The following CCDC88A variants were observed in gnomAD, a reference collection of about 807,000 sequenced individuals.
CCDC88A encodes the protein girdin.
Under a neutral mutation model 234.3 loss-of-function variants are expected in CCDC88A, and 54 were observed. The observed-to-expected ratio is 0.23, with a 90% CI of 0.19 to 0.29. CCDC88A has a LOEUF of 0.29. Ranked by LOEUF, CCDC88A falls within the 10% of genes least tolerant of loss-of-function variation. The probability of loss-of-function intolerance (pLI) is 1.00; values close to 1 mark genes in which losing one functional copy is unlikely to be tolerated. For synonymous variants in CCDC88A, 753 were observed against 737.8 expected, an observed-to-expected ratio of 1.02 and a Z score of -0.33; for missense variants, 1,832 against 2,123.4, an observed-to-expected ratio of 0.86 and a Z score of 2.70.
chr2:55,307,601 C>T (rs1360718659), intron 25 of CCDC88A, among the ~76,000 whole-genome samples: 5 of 152,040 alleles, frequency 3.3e-5, no homozygotes, highest in East Asian at 1.9e-4. Context: ...GTGATCCGCC[C>T]GCCTCGCCAT....
chr2:55,344,720 A>C (rs567877904), intron 10 of CCDC88A, among the ~76,000 whole-genome samples: 10 of 152,188 alleles, frequency 6.6e-5, no homozygotes, highest in South Asian at 2.1e-4. Flanking sequence ...AAGATATATA[A>C]TACTACTATA....
intron 9 of CCDC88A, among the ~76,000 whole-genome samples, chr2:55,347,030 T>C (rs1033768250): frequency 6.6e-6 from 1 of 152,112 alleles, no homozygotes; most frequent in Non-Finnish European, 1.5e-5. Context: ...GGTGAAAAAG[T>C]TAATTTTAAA....
In CCDC88A at chr2:55,379,612, G is replaced by C. The variant is rs1054323939; in HGVS notation, c.274-4729C>G. Among the ~76,000 whole-genome samples, 3 of 152,170 alleles carry C rather than the reference G, an allele frequency of 2.0e-5. No individual in the cohort carries two copies. In the East Asian group the frequency reaches 5.8e-4, roughly 29 times the overall value. The stretch of plus-strand genomic sequence containing the variant: ...ACAATAAAACAAGTAAGTGTTTTTG[G>C]TGATAAATGCTAAGGATAAAAATAA... On this transcript the variant is annotated intron_variant, in intron 3 of 32. Coordinates refer to ENST00000436346, the MANE Select transcript of CCDC88A (RefSeq NM_001365480.1).
chr2:55,381,777 T>TG (rs1363779386), intron 3 of CCDC88A, among the ~76,000 whole-genome samples: 4 of 152,116 alleles, frequency 2.6e-5, no homozygotes, highest in Non-Finnish European at 5.9e-5. Context: ...TTAACACTTC[T>TG]GGCAAAGGTC....
At chr2:55,344,345 C>G in intron 11 of CCDC88A, 23 bp downstream of exon 11, 1 of 1,516,886 alleles carries the variant, frequency 6.6e-7, no homozygotes. Flanking sequence ...GGCCATGTAA[C>G]TGATCTACCT....
intron 25 of CCDC88A, among the ~76,000 whole-genome samples, chr2:55,303,456 G>C (rs1000706587): frequency 6.7e-6 from 1 of 148,490 alleles, no homozygotes; most frequent in Non-Finnish European, 1.5e-5. Flanking sequence ...GCAATGGCAC[G>C]ATCTCGGCTC....
intron 29 of CCDC88A, among the ~76,000 whole-genome samples, chr2:55,297,399 A>AATATATATTAT (rs1680315100): frequency 4.5e-5 from 1 of 22,018 alleles, no homozygotes; most frequent in Non-Finnish European, 1.5e-4. Context: ...ATTATATATA[A>AATATATATTAT]ATATACATAT....
At chr2:55,376,810 CT>C (rs1387909504) in intron 3 of CCDC88A, among the ~76,000 whole-genome samples, 3 of 152,130 alleles carry the variant, frequency 2.0e-5, no homozygotes, top group African/African-American at 4.8e-5. Flanking sequence ...GCTAAATGGG[CT>C]TAAAAGAATA....
At chr2:55,401,469 T>C (rs111438752) in intron 2 of CCDC88A, among the ~76,000 whole-genome samples, 1 of 16,234 alleles carries the variant, frequency 6.2e-5, no homozygotes, top group African/African-American at 5.6e-4. Flanking sequence ...TATATATACA[T>C]ATGTGTGTGT....
At chr2:55,353,565 T>C (rs1670161474) in intron 8 of CCDC88A, among the ~76,000 whole-genome samples, 1 of 144,594 alleles carries the variant, frequency 6.9e-6, no homozygotes, top group African/African-American at 2.6e-5. Context: ...CTACTTTAAA[T>C]AATCAGTAAA....
rs756536282 is a variant in CCDC88A at position 55,334,864 on chromosome 2, T to C, written c.1957A>G (p.Ile653Val). ...AAGGCCTCAATTTTTTCACAAGTAA[T>C]TTTTAAATTAGTTATTTTTTTCTGT... ...LLQKKITNLK[I>V]TCEKIEALEQ... The change falls in exon 15 of 33, where the codon ATT becomes GTT. Residue 653 changes from isoleucine (I) to valine (V), a missense_variant. Physicochemically the swap from Ile to Val is conservative, Grantham distance 29. Transcript: ENST00000436346. This position sits in a 1 kb window ranked among gnomAD's most constrained non-coding sequence, Gnocchi z 6.1. 6.6e-7 allele frequency: 1 copy of C among 1,521,796 alleles called. No individual in the cohort carries two copies. The highest frequency in any genetic ancestry group is 2.3e-5 in the East Asian group (1 of 43,078). The allele number at this position is 1,521,796 out of a possible 1,614,324, so 94.3% of individuals were successfully genotyped here.
intron 16 of CCDC88A, chr2:55,331,837 T>TAAAA (rs1436452199): frequency 1.3e-5 from 2 of 152,204 alleles, no homozygotes; most frequent in Non-Finnish European, 2.9e-5. Context: ...TTTCCTTTGT[T>TAAAA]TCATACTTTT....
Position 55,317,528 on chromosome 2 carries a change from TTTAAA to T in CCDC88A, c.3602+31_3602+35del, listed in dbSNP as rs762732096. ...ATTATACTACTTGAAGAAAATTCAT[TTTAAA>T]TTCACAGTACAACAAAATATAATAA... On this transcript the variant is annotated intron_variant, in intron 20 of 32. Transcript: ENST00000436346. The surrounding 1 kb of genome is among the most constrained non-coding windows in gnomAD (Gnocchi z 4.2). 1.2e-5 allele frequency: 17 copies of T among 1,433,010 alleles called. No homozygotes were observed. The East Asian group carries it at 4.0e-4, about 33-fold the overall frequency. 88.8% of individuals were successfully genotyped at this position (1,433,010 alleles called of 1,614,324 possible).
At chr2:55,398,681 A>G (rs1363037079) in intron 2 of CCDC88A, among the ~76,000 whole-genome samples, 1 of 151,596 alleles carries the variant, frequency 6.6e-6, no homozygotes, top group Non-Finnish European at 1.5e-5. Context: ...GGAAGGCCAA[A>G]GCAAGAGGAT....
chr2:55,347,593 T>A (rs963429708), intron 9 of CCDC88A, among the ~76,000 whole-genome samples: 1 of 146,598 alleles, frequency 6.8e-6, no homozygotes, highest in Non-Finnish European at 1.5e-5. Flanking sequence ...ACCTATGTTA[T>A]CTATTCATCT....
chr2:55,312,674 C>T (rs1044041352), intron 22 of CCDC88A, 95 bp from the exon 23 acceptor site: 37 of 870,060 alleles, frequency 4.3e-5, no homozygotes, highest in Non-Finnish European at 6.2e-5. Context: ...TTTAAGTGTT[C>T]CACTGTTTGA....
intron 9 of CCDC88A, among the ~76,000 whole-genome samples, chr2:55,347,774 A>G (rs1330045428): frequency 6.6e-6 from 1 of 150,900 alleles, no homozygotes; most frequent in Non-Finnish European, 1.5e-5. Context: ...ACCACACCCA[A>G]TTAATTTTTG....
chr2:55,404,258 TTAAG>T (rs1279490991), intron 2 of CCDC88A: 2 of 152,314 alleles, frequency 1.3e-5, no homozygotes, highest in East Asian at 1.9e-4. Context: ...GAAACTTACC[TTAAG>T]TAAGCAGTTT....
rs1683163225 is a variant in CCDC88A at position 55,317,863 on chromosome 2, T to TC, written c.3325-23dup. ...CAACCTATAAGAATATATATTGTTA[T>TC]CAGACATAAGAAAAACAGTTCATGT... On this transcript the variant is annotated intron_variant, in intron 19 of 32. Coordinates refer to ENST00000436346, the MANE Select transcript of CCDC88A (RefSeq NM_001365480.1). This position sits in a 1 kb window ranked among gnomAD's most constrained non-coding sequence, Gnocchi z 4.2. 2 of 1,494,466 alleles carry TC rather than the reference T, an allele frequency of 1.3e-6. No homozygotes were observed. Among genetic ancestry groups the TC allele is most frequent in the Non-Finnish European group, 1.8e-6 (2 of 1,100,542 alleles). 92.6% of individuals were successfully genotyped at this position (1,494,466 alleles called of 1,614,324 possible). A position where few individuals can be genotyped will look rare whatever the true frequency, so the allele number is the denominator to read the frequency against.
Sources: gnomAD v4.1 joint callset for allele counts (sites outside exome capture counted in the v4.1 genomes callset) on GRCh38, gnomAD v4.1.1 for gene constraint, Gnocchi (gnomAD v3.1) non-coding constraint, MANE v1.5 for transcripts, NCBI Gene and HGNC (gene_info 2026-07-23, HGNC 2026-07-21) for gene names.